LRRC7: variants seen among roughly 807,000 people sequenced by gnomAD.
LRRC7 encodes the protein leucine rich repeat containing 7.
Under a neutral mutation model 175.7 loss-of-function variants are expected in LRRC7, and 23 were observed. The observed-to-expected ratio is 0.13, with a 90% CI of 0.09 to 0.19. LRRC7 has a LOEUF of 0.19. Among genes scored for constraint, LRRC7 ranks in the 10% least tolerant of loss-of-function variants. LRRC7 has a pLI of 1.00. For missense variants in LRRC7, 1,354 were observed against 1,904.7 expected (o/e 0.71, Z 5.38); for synonymous variants, 685 against 680.9 (o/e 1.01, Z -0.09).
chr1:69,919,523 G>A lies in LRRC7; in HGVS notation c.648-11984G>A, dbSNP rs539357005. 57 of 816,810 alleles carry A rather than the reference G, an allele frequency of 7.0e-5. 2 individuals are homozygous for A. Among genetic ancestry groups the A allele is most frequent in the South Asian group, 6.7e-4 (46 of 68,758 alleles). The allele number at this position is 816,810 out of a possible 1,614,324, so 50.6% of individuals were successfully genotyped here. Reference sequence around the variant, plus strand: ...TGGCAGGGGGAGCCCGCCAGGGTCCGCCGCTCGCACCTGCTAGTGAAGCCA... The same window carrying A: ...TGGCAGGGGGAGCCCGCCAGGGTCCACCGCTCGCACCTGCTAGTGAAGCCA... On this transcript the variant is annotated intron_variant, in intron 7 of 26. Transcript: ENST00000651989.
chr1:69,579,481 A>G (rs1208165676), intron 1 of LRRC7, among the ~76,000 whole-genome samples: 1 of 152,160 alleles, frequency 6.6e-6, no homozygotes, highest in African/African-American at 2.4e-5. Flanking sequence ...CATTCCCAGC[A>G]TCATTGTTTA....
intron 12 of LRRC7, 141 bp from the exon 13 acceptor site, chr1:70,012,833 T>C (rs2101954535): frequency 1.8e-5 from 6 of 339,342 alleles, no homozygotes; most frequent in East Asian, 6.3e-5. Context: ...TTTAAAGAGC[T>C]ACATTATAAA....
At chr1:69,742,181 G>A (rs1205035924) in intron 2 of LRRC7, among the ~76,000 whole-genome samples, 1 of 151,946 alleles carries the variant, frequency 6.6e-6, no homozygotes, top group African/African-American at 2.4e-5. Flanking sequence ...GGAATTGTAA[G>A]TATTACTTTT....
intron 8 of LRRC7, among the ~76,000 whole-genome samples, chr1:69,970,611 A>G (rs546762166): frequency 3.3e-5 from 5 of 152,270 alleles, no homozygotes; most frequent in South Asian, 4.1e-4. Flanking sequence ...GGCCAATAAC[A>G]AGCAGTAAGA....
intron 15 of LRRC7, among the ~76,000 whole-genome samples, chr1:70,020,400 G>A (rs536953301): frequency 2.6e-5 from 4 of 151,758 alleles, no homozygotes; most frequent in African/African-American, 9.7e-5. Flanking sequence ...AATTTTCCAC[G>A]TTTTCTACCA....
intron 2 of LRRC7, among the ~76,000 whole-genome samples, chr1:69,710,708 T>C (rs1664657689): frequency 6.6e-6 from 1 of 152,158 alleles, no homozygotes; most frequent in South Asian, 2.1e-4. Flanking sequence ...CCCTAGATTG[T>C]ACTGAGTGGC....
At chr1:70,084,843 A>G (rs1383740062) in intron 24 of LRRC7, among the ~76,000 whole-genome samples, 6 of 152,116 alleles carry the variant, frequency 3.9e-5, no homozygotes, top group Non-Finnish European at 2.9e-5. Context: ...TACTGTAGTC[A>G]TCCTGTTCAT....
At chr1:69,895,402 A>G (rs1645951721) in intron 7 of LRRC7, among the ~76,000 whole-genome samples, 1 of 152,198 alleles carries the variant, frequency 6.6e-6, no homozygotes, top group Non-Finnish European at 1.5e-5. Context: ...ACTTGAATTT[A>G]TAATATATAC....
At chr1:69,592,962 C>A (rs928724393) in intron 1 of LRRC7, among the ~76,000 whole-genome samples, 2 of 151,970 alleles carry the variant, frequency 1.3e-5, no homozygotes, top group African/African-American at 2.4e-5. Flanking sequence ...TTTCTTTTTA[C>A]ATAAATATTT....
At chr1:69,706,361 G>C (rs886356114) in intron 2 of LRRC7, among the ~76,000 whole-genome samples, 1 of 152,096 alleles carries the variant, frequency 6.6e-6, no homozygotes, top group Non-Finnish European at 1.5e-5. Flanking sequence ...CAGTCATTTT[G>C]ACCTCAGAAA....
Position 70,043,983 on chromosome 1 carries a change from C to A in LRRC7, c.3999C>A (p.Asn1333Lys), listed in dbSNP as rs1289677614. 1 of 1,613,018 alleles carries A rather than the reference C, an allele frequency of 6.2e-7. No individual in the cohort carries two copies. The change falls in exon 22 of 27, where the codon AAC becomes AAA. Residue 1333 changes from asparagine to lysine, a missense_variant. Coordinates refer to ENST00000651989, the MANE Select transcript of LRRC7 (RefSeq NM_001370785.2). Reference protein sequence around the residue: ...RNAAYKHNTVNLGMLPYGGIS... With the variant: ...RNAAYKHNTVKLGMLPYGGIS... ...CTGCTTACAAACACAATACAGTTAACCTTGGCATGCTGCCCTATGGAGGTA... is the reference window on the plus strand; with the variant it reads ...CTGCTTACAAACACAATACAGTTAAACTTGGCATGCTGCCCTATGGAGGTA...
At chr1:69,651,274 C>T (rs1655787671) in intron 1 of LRRC7, among the ~76,000 whole-genome samples, 1 of 151,262 alleles carries the variant, frequency 6.6e-6, no homozygotes, top group African/African-American at 2.4e-5. Context: ...GTTTACAAAT[C>T]ATCCTATGGT....
At chr1:69,620,876 T>G (rs1650457901) in intron 1 of LRRC7, among the ~76,000 whole-genome samples, 1 of 152,202 alleles carries the variant, frequency 6.6e-6, no homozygotes, top group Admixed American at 6.5e-5. Context: ...AAAGTAATAC[T>G]CACAAATATC....
intron 4 of LRRC7, among the ~76,000 whole-genome samples, chr1:69,805,158 A>T (rs1027602467): frequency 6.6e-6 from 1 of 151,772 alleles, no homozygotes; most frequent in Non-Finnish European, 1.5e-5. Flanking sequence ...AATTGAAGGC[A>T]TTATTATGTG....
chr1:69,791,876 A>T (rs1675162749), intron 3 of LRRC7, among the ~76,000 whole-genome samples, 167 bp from the exon 4 acceptor site: 1 of 152,040 alleles, frequency 6.6e-6, no homozygotes, highest in Non-Finnish European at 1.5e-5. Flanking sequence ...ATAGAATGTG[A>T]AGCCATTCAG....
chr1:69,971,681 A>C (rs1269302540), intron 8 of LRRC7, among the ~76,000 whole-genome samples: 1 of 152,212 alleles, frequency 6.6e-6, no homozygotes, highest in Non-Finnish European at 1.5e-5. Flanking sequence ...AATATTGTGA[A>C]AACGACCATA....
intron 23 of LRRC7, among the ~76,000 whole-genome samples, chr1:70,071,410 G>A (rs578164389): frequency 6.6e-6 from 1 of 151,860 alleles, no homozygotes; most frequent in South Asian, 2.1e-4. Context: ...GAAGAAATAG[G>A]GCAAAATACA....
chr1:69,992,137 T>A (rs537612298), intron 10 of LRRC7, among the ~76,000 whole-genome samples: 2 of 152,268 alleles, frequency 1.3e-5, no homozygotes, highest in African/African-American at 4.8e-5. Context: ...GTGATAGTAG[T>A]AATAGTACCT....
At chr1:69,996,996 G>A (rs576997135) in intron 11 of LRRC7, among the ~76,000 whole-genome samples, 1 of 152,226 alleles carries the variant, frequency 6.6e-6, no homozygotes, top group East Asian at 1.9e-4. Context: ...GCGCAATATG[G>A]CCATTTTCAT....
Sources: gnomAD v4.1 joint callset for allele counts (sites outside exome capture counted in the v4.1 genomes callset) on GRCh38, gnomAD v4.1.1 for gene constraint, MANE v1.5 for transcripts, NCBI Gene and HGNC (gene_info 2026-07-23, HGNC 2026-07-21) for gene names.